MRAP2: variants seen among roughly 807,000 people sequenced by gnomAD.
The protein encoded by MRAP2 is melanocortin 2 receptor accessory protein 2.
In MRAP2, 20 loss-of-function variants were observed where a neutral mutation model predicts 17.4. That is an observed-to-expected ratio of 1.15 (90% confidence interval 0.81 to 1.67). The LOEUF (loss-of-function observed/expected upper bound fraction) is 1.67, where lower values mean the gene tolerates loss of function less well. Among genes scored for constraint, MRAP2 ranks in the 40% most tolerant of loss-of-function variants. MRAP2 has a pLI of 0.00. For missense variants in MRAP2, 238 were observed against 240.0 expected (o/e 0.99, Z 0.05); for synonymous variants, 96 against 88.4 (o/e 1.09, Z -0.48).
intron 3 of MRAP2, chr6:84,063,214 G>T: frequency 1.0e-6 from 1 of 985,242 alleles, no homozygotes; most frequent in Non-Finnish European, 1.2e-6. Flanking sequence ...TATGAAATTG[G>T]GTTTCTTGGT....
chr6:84,139,295 G>A, the MRAP2 span, among the ~76,000 whole-genome samples: 5 of 152,080 alleles, frequency 3.3e-5, no homozygotes, highest in Non-Finnish European at 4.4e-5. Context: ...GCCTAAAAAC[G>A]ACTTTCCTCT....
At chr6:84,120,181 C>A in the MRAP2 span, among the ~76,000 whole-genome samples, 456 of 152,280 alleles carry the variant, frequency 3.0e-3, 2 homozygotes, top group African/African-American at 0.01. Context: ...CCAGAGAGGG[C>A]AAATTTGTCT....
the MRAP2 span, among the ~76,000 whole-genome samples, chr6:84,108,663 G>A: frequency 6.6e-6 from 1 of 151,936 alleles, no homozygotes; most frequent in African/African-American, 2.4e-5. Flanking sequence ...TCTTTTTCTA[G>A]GAAGAAGCTC....
chr6:84,137,492 T>G, the MRAP2 span, among the ~76,000 whole-genome samples: 1 of 152,096 alleles, frequency 6.6e-6, no homozygotes, highest in Non-Finnish European at 1.5e-5. Context: ...TTATTAGAGG[T>G]AAGTCTTAAA....
chr6:84,073,460 T>A (rs1010763624), intron 3 of MRAP2, among the ~76,000 whole-genome samples: 2 of 152,192 alleles, frequency 1.3e-5, no homozygotes, highest in South Asian at 4.1e-4. Flanking sequence ...GCAGGAGCAA[T>A]CTGCTTCCTT....
chr6:84,099,203 T>G, the MRAP2 span, among the ~76,000 whole-genome samples: 5 of 150,568 alleles, frequency 3.3e-5, no homozygotes, highest in East Asian at 9.8e-4. Context: ...TTTTTGCTTA[T>G]GGATATCTAA....
the MRAP2 span, among the ~76,000 whole-genome samples, chr6:84,106,707 G>C: frequency 6.6e-6 from 1 of 152,152 alleles, no homozygotes; most frequent in Non-Finnish European, 1.5e-5. Context: ...ACAGGAGTAG[G>C]AACGATGGGC....
chr6:84,046,995 G>A (rs942682874), intron 1 of MRAP2, among the ~76,000 whole-genome samples: 5 of 151,704 alleles, frequency 3.3e-5, no homozygotes, highest in African/African-American at 9.7e-5. Flanking sequence ...GCTGAAAAGA[G>A]CAAAGCTGGA....
At chr6:84,091,911 G>A (rs759449545), downstream of MRAP2, among the ~76,000 whole-genome samples, 2 of 152,258 alleles carry the variant, frequency 1.3e-5, no homozygotes, top group East Asian at 1.9e-4. Flanking sequence ...CTGTTGTAAC[G>A]AATTACCACA....
chr6:84,059,320 G>A (rs994091447), intron 2 of MRAP2, among the ~76,000 whole-genome samples: 81 of 152,224 alleles, frequency 5.3e-4, no homozygotes, highest in African/African-American at 1.8e-3. Context: ...AAGGCTTGGA[G>A]TAAGATAGTA....
chr6:84,139,695 T>A, the MRAP2 span, among the ~76,000 whole-genome samples: 5 of 152,294 alleles, frequency 3.3e-5, no homozygotes, highest in African/African-American at 9.6e-5. Context: ...GAAGGTAAAA[T>A]TTTTCCTGGT....
intron 2 of MRAP2, among the ~76,000 whole-genome samples, chr6:84,060,308 T>G (rs1488416744): frequency 6.6e-6 from 1 of 152,078 alleles, no homozygotes; most frequent in Non-Finnish European, 1.5e-5. Context: ...ATTGCTGCTT[T>G]TTGATTATCT....
chr6:84,131,264 T>C, the MRAP2 span, among the ~76,000 whole-genome samples: 456 of 152,312 alleles, frequency 3.0e-3, 2 homozygotes, highest in African/African-American at 0.01. Flanking sequence ...TGAGGAGTGT[T>C]TTACTTCCAA....
chr6:84,111,194 C>T, the MRAP2 span, among the ~76,000 whole-genome samples: 1 of 152,152 alleles, frequency 6.6e-6, no homozygotes, highest in East Asian at 1.9e-4. Context: ...TTACTTTGGG[C>T]AGTATGATCA....
downstream of MRAP2, among the ~76,000 whole-genome samples, chr6:84,091,560 TATTCATA>T (rs1000864771): frequency 6.6e-6 from 1 of 152,170 alleles, no homozygotes; most frequent in Non-Finnish European, 1.5e-5. Flanking sequence ...TGAGTATGAT[TATTCATA>T]ATTTATTTAA....
chr6:84,038,007 A>T (rs1326524237), intron 1 of MRAP2, among the ~76,000 whole-genome samples: 1 of 152,182 alleles, frequency 6.6e-6, no homozygotes, highest in Non-Finnish European at 1.5e-5. Flanking sequence ...GGGCCATTTG[A>T]GGGTGAGTTG....
intron 3 of MRAP2, among the ~76,000 whole-genome samples, chr6:84,079,831 T>C (rs1356997232): frequency 6.6e-6 from 1 of 152,198 alleles, no homozygotes; most frequent in African/African-American, 2.4e-5. Flanking sequence ...ATAACAAAGG[T>C]GGCATCAGTC....
downstream of MRAP2, among the ~76,000 whole-genome samples, chr6:84,091,179 T>C (rs1162458800): frequency 1.3e-5 from 2 of 151,986 alleles, no homozygotes; most frequent in Admixed American, 6.6e-5. Flanking sequence ...AAATAGATGC[T>C]ATTTTCATGA....
intron 2 of MRAP2, among the ~76,000 whole-genome samples, chr6:84,059,407 A>G (rs1339695212): frequency 6.6e-6 from 1 of 152,230 alleles, no homozygotes; most frequent in Non-Finnish European, 1.5e-5. Flanking sequence ...TGCCTTAGGA[A>G]CAAAAAGTGG....
Sources: allele counts gnomAD v4.1 joint callset (sites outside exome capture counted in the v4.1 genomes callset), GRCh38; gene constraint gnomAD v4.1.1; transcripts MANE v1.5; gene names NCBI Gene and HGNC (gene_info 2026-07-23, HGNC 2026-07-21).